Variants in ZMYM2 observed in about 807,000 individuals in gnomAD.
ZMYM2 encodes zinc finger MYM-type containing 2.
Under a neutral mutation model 162.8 loss-of-function variants are expected in ZMYM2, and 56 were observed. The ratio of observed to expected loss-of-function variants is 0.34; its 90% CI spans 0.28 to 0.43. ZMYM2 has a LOEUF of 0.43. ZMYM2 is among the 20% of genes least tolerant of loss of function. ZMYM2 has a pLI of 1.00. For synonymous variants in ZMYM2, 510 were observed against 541.6 expected, an observed-to-expected ratio of 0.94 and a Z score of 0.81; for missense variants, 1,275 against 1,621.8, an observed-to-expected ratio of 0.79 and a Z score of 3.67.
the ZMYM2 span, among the ~76,000 whole-genome samples, chr13:19,917,987 A>G: frequency 1.3e-5 from 2 of 151,914 alleles, no homozygotes; most frequent in Admixed American, 6.6e-5. Flanking sequence ...AGTCCGGGAG[A>G]TGGAAGTTGC....
At chr13:20,064,722 AT>A (rs955747184) in intron 19 of ZMYM2, among the ~76,000 whole-genome samples, 177 bp downstream of exon 19, 1 of 151,120 alleles carries the variant, frequency 6.6e-6, no homozygotes, top group Non-Finnish European at 1.5e-5. Context: ...TATTACTATT[AT>A]TTATTACTAT....
At chr13:20,080,678 C>T (rs769792982) in intron 21 of ZMYM2, among the ~76,000 whole-genome samples, 2 of 151,954 alleles carry the variant, frequency 1.3e-5, no homozygotes, top group African/African-American at 2.4e-5. Flanking sequence ...TTTGTAGAGA[C>T]GGGGTTTCAC....
the ZMYM2 span, among the ~76,000 whole-genome samples, chr13:19,922,711 GT>G: frequency 6.6e-6 from 1 of 152,074 alleles, no homozygotes; most frequent in Non-Finnish European, 1.5e-5. Context: ...AGGCGTGGTG[GT>G]GGGCGCCTGT....
Position 19,993,517 on chromosome 13 carries a change from A to G in ZMYM2, c.445A>G (p.Arg149Gly). The change falls in exon 3 of 25, where the codon AGA becomes GGA. Residue 149 changes from arginine to glycine, a missense_variant. By Grantham distance (125) the Arg-to-Gly change is moderately radical. This residue lies in a region of ZMYM2 where 295 missense variants were observed against 286.7 expected (regional missense o/e 1.03). Transcript: ENST00000610343. ...IERRPPETKN[R>G]TNDVDFSTSS... ...ACGAAGACCTCCTGAGACTAAAAACAGAACCAATGATGTGGATTTCTCCAC... is the reference window on the plus strand; with the variant it reads ...ACGAAGACCTCCTGAGACTAAAAACGGAACCAATGATGTGGATTTCTCCAC... 1 of 1,614,042 alleles carries G rather than the reference A, an allele frequency of 6.2e-7. No individual in the cohort carries two copies. Among genetic ancestry groups the G allele is most frequent in the Non-Finnish European group, 8.5e-7 (1 of 1,179,990 alleles).
intron 7 of ZMYM2, among the ~76,000 whole-genome samples, chr13:20,024,155 G>A (rs1392273103): frequency 6.6e-6 from 1 of 151,940 alleles, no homozygotes; most frequent in South Asian, 2.1e-4. Context: ...GGCTGGTCTC[G>A]AACTCCCAAC....
chr13:20,074,096 A>G (rs1055243664), intron 21 of ZMYM2, among the ~76,000 whole-genome samples: 2 of 152,116 alleles, frequency 1.3e-5, no homozygotes, highest in African/African-American at 2.4e-5. Flanking sequence ...GGCACCTCAT[A>G]TAAGTGGAAT....
At chr13:19,925,601 G>T in the ZMYM2 span, among the ~76,000 whole-genome samples, 1 of 151,768 alleles carries the variant, frequency 6.6e-6, no homozygotes, top group East Asian at 1.9e-4. Context: ...GGCCAGGTGC[G>T]GTGGCTCATG....
chr13:19,999,842 G>C (rs1299330449), intron 3 of ZMYM2, among the ~76,000 whole-genome samples: 1 of 152,174 alleles, frequency 6.6e-6, no homozygotes, highest in African/African-American at 2.4e-5. Flanking sequence ...CTCTTACCCA[G>C]TCTGGAGTGC....
At chr13:19,920,479 G>A in the ZMYM2 span, among the ~76,000 whole-genome samples, 8 of 151,522 alleles carry the variant, frequency 5.3e-5, no homozygotes, top group African/African-American at 1.9e-4. Flanking sequence ...TTCAGAGTGA[G>A]GGTAAAAGGG....
At chr13:20,050,852 TATTG>T (rs961193817) in intron 12 of ZMYM2, among the ~76,000 whole-genome samples, 3 of 152,110 alleles carry the variant, frequency 2.0e-5, no homozygotes, top group African/African-American at 7.2e-5. Flanking sequence ...TTATAGATAT[TATTG>T]GTTTTCAGAA....
rs184468462 is a variant in ZMYM2, at chr13:19,966,227, C to T, written c.-11+6201C>T. Among the ~76,000 whole-genome samples the T allele has an allele frequency of 1.7e-3, 261 of 151,582 alleles. 1 individual carries two copies. Among genetic ancestry groups the T allele is most frequent in the African/African-American group, 6.0e-3 (247 of 41,268 alleles). The stretch of plus-strand genomic sequence containing the variant: ...TCGGCTCAACGCAACCTCCGCCTCC[C>T]GGGTTCAAGTGATTCTCCTGCCTCA... On this transcript the variant is annotated intron_variant, in intron 2 of 24. Transcript: ENST00000610343.
intron 3 of ZMYM2, among the ~76,000 whole-genome samples, chr13:19,998,857 T>C (rs1013942212): frequency 1.3e-5 from 2 of 152,172 alleles, no homozygotes; most frequent in African/African-American, 4.8e-5. Flanking sequence ...AGGAAAATAA[T>C]TTTTTTCCTG....
chr13:19,979,726 G>A (rs1357286913), intron 2 of ZMYM2, among the ~76,000 whole-genome samples: 1 of 152,190 alleles, frequency 6.6e-6, no homozygotes, highest in Non-Finnish European at 1.5e-5. Context: ...CAAGAACATA[G>A]TATGCTATTC....
chr13:20,024,718 ATT>A, intron 7 of ZMYM2: 1 of 220,108 alleles, frequency 4.5e-6, no homozygotes, highest in East Asian at 6.8e-5. Flanking sequence ...AAAGCAGAGC[ATT>A]CTCTTCTATT....
At chr13:19,962,054 C>T (rs1271641476) in intron 2 of ZMYM2, among the ~76,000 whole-genome samples, 1 of 152,204 alleles carries the variant, frequency 6.6e-6, no homozygotes, top group Admixed American at 6.5e-5. Flanking sequence ...GTGGTCCCTA[C>T]TTTTCCATGG....
chr13:20,034,971 A>C (rs1054870037), intron 11 of ZMYM2, among the ~76,000 whole-genome samples: 1 of 152,206 alleles, frequency 6.6e-6, no homozygotes, highest in East Asian at 1.9e-4. Flanking sequence ...TTCTAAATCT[A>C]CTTATCCAGA....
intron 2 of ZMYM2, among the ~76,000 whole-genome samples, chr13:19,973,712 CAG>C (rs1956536547): frequency 7.0e-6 from 1 of 143,266 alleles, no homozygotes; most frequent in Non-Finnish European, 1.5e-5. Flanking sequence ...AAACAAAAAA[CAG>C]AAAAAAAACC....
chr13:20,047,978 AAAG>A (rs1414579287), intron 12 of ZMYM2, among the ~76,000 whole-genome samples: 1 of 152,096 alleles, frequency 6.6e-6, no homozygotes, highest in Admixed American at 6.6e-5. Context: ...TTTTTAAGAA[AAAG>A]AATTTAGTAT....
At chr13:20,058,512 G>A (rs1955982450) in intron 14 of ZMYM2, 63 bp from the exon 15 acceptor site, 1 of 1,542,760 alleles carries the variant, frequency 6.5e-7, no homozygotes, top group East Asian at 2.3e-5. Flanking sequence ...ATCCTTCATT[G>A]ACACTAGGAA....
Sources: allele counts gnomAD v4.1 joint callset (sites outside exome capture counted in the v4.1 genomes callset), GRCh38; gene constraint gnomAD v4.1.1; regional missense constraint gnomAD v4.1.1; transcripts MANE v1.5; gene names NCBI Gene and HGNC (gene_info 2026-07-23, HGNC 2026-07-21).